CADM2: variants seen among roughly 807,000 people sequenced by gnomAD.
The protein encoded by CADM2 is cell adhesion molecule 2.
Under a neutral mutation model 49.8 loss-of-function variants are expected in CADM2, and 12 were observed. The ratio of observed to expected loss-of-function variants is 0.24; its 90% CI spans 0.15 to 0.39. The LOEUF (loss-of-function observed/expected upper bound fraction) is 0.39. Ranked by LOEUF, CADM2 falls within the 10% of genes least tolerant of loss-of-function variation. The pLI, the probability that CADM2 is intolerant of heterozygous loss-of-function variation, is 1.00. For synonymous variants in CADM2, 214 were observed against 175.4 expected, an observed-to-expected ratio of 1.22 and a Z score of -1.74; for missense variants, 378 against 492.3, an observed-to-expected ratio of 0.77 and a Z score of 2.20.
intron 1 of CADM2, among the ~76,000 whole-genome samples, chr3:85,555,644 A>T (rs1366112276): frequency 1.3e-5 from 2 of 152,118 alleles, no homozygotes. Flanking sequence ...TTCCTAGAAA[A>T]AATAATAGTA....
chr3:85,341,168 A>C (rs902775539), intron 1 of CADM2, among the ~76,000 whole-genome samples: 6 of 151,798 alleles, frequency 4.0e-5, no homozygotes, highest in African/African-American at 9.7e-5. Flanking sequence ...CGGAATATAA[A>C]AACACTAAGC....
intron 1 of CADM2, among the ~76,000 whole-genome samples, chr3:85,317,689 C>T (rs1264627505): frequency 6.6e-6 from 1 of 152,154 alleles, no homozygotes; most frequent in African/African-American, 2.4e-5. Context: ...TTTATCCATT[C>T]ATGAGGGCAG....
At chr3:85,320,931 A>ATT (rs71108274) in intron 1 of CADM2, among the ~76,000 whole-genome samples, 20 of 148,868 alleles carry the variant, frequency 1.3e-4, no homozygotes, top group Non-Finnish European at 2.1e-4. Flanking sequence ...TTTCTGTTAG[A>ATT]TTTTTTTTTA....
At chr3:85,184,488 A>T (rs2041007476) in intron 1 of CADM2, among the ~76,000 whole-genome samples, 1 of 152,106 alleles carries the variant, frequency 6.6e-6, no homozygotes, top group Non-Finnish European at 1.5e-5. Flanking sequence ...AGTTCTTTAA[A>T]CATTTGCTGA....
intron 1 of CADM2, among the ~76,000 whole-genome samples, chr3:85,682,431 A>G (rs974349090): frequency 6.6e-6 from 1 of 152,086 alleles, no homozygotes; most frequent in Non-Finnish European, 1.5e-5. Context: ...TAACTTTTCC[A>G]TATTCAGATT....
At chr3:85,648,227 C>T (rs998491523) in intron 1 of CADM2, among the ~76,000 whole-genome samples, 1 of 151,766 alleles carries the variant, frequency 6.6e-6, no homozygotes, top group African/African-American at 2.4e-5. Context: ...TAATGTCTTC[C>T]CGTTATCACA....
intron 1 of CADM2, among the ~76,000 whole-genome samples, chr3:85,471,003 G>A (rs892001264): frequency 2.6e-5 from 4 of 152,128 alleles, no homozygotes; most frequent in Admixed American, 6.5e-5. Flanking sequence ...TTTAATCATG[G>A]TATTTTTACT....
At chr3:85,134,967 G>A (rs2039369912) in intron 1 of CADM2, among the ~76,000 whole-genome samples, 1 of 151,672 alleles carries the variant, frequency 6.6e-6, no homozygotes, top group South Asian at 2.1e-4. Flanking sequence ...ACATGGAATG[G>A]ATTATACTTG....
In CADM2 at chr3:85,564,167, T is replaced by TTCTCTCTCTCTCTC. The variant is rs3086193; in HGVS notation, c.62-162336_62-162323dup. On this transcript the variant is annotated intron_variant, in intron 1 of 9. Coordinates refer to ENST00000383699, the MANE Select transcript of CADM2 (RefSeq NM_001167675.2). ...CAAGTAAATAATTTAGAAAGCATGA[T>TTCTCTCTCTCTCTC]TCTCTCTCTCTCTCTCTCTCTCTCT... Among the ~76,000 whole-genome samples, 422 of 149,672 alleles carry TTCTCTCTCTCTCTC rather than the reference T, an allele frequency of 2.8e-3. 2 individuals carry two copies. The highest frequency in any genetic ancestry group is 9.6e-3 in the African/African-American group (387 of 40,348).
At chr3:85,766,391 T>C (rs943631729) in intron 2 of CADM2, among the ~76,000 whole-genome samples, 5 of 152,278 alleles carry the variant, frequency 3.3e-5, no homozygotes, top group African/African-American at 9.6e-5. Flanking sequence ...AACTGGGAAG[T>C]ATGCTCACCT....
chr3:85,621,680 G>A (rs1329423577), intron 1 of CADM2, among the ~76,000 whole-genome samples: 2 of 152,050 alleles, frequency 1.3e-5, no homozygotes, highest in Admixed American at 1.3e-4. Flanking sequence ...TCAACTCTTT[G>A]TTTTTCTTTT....
At chr3:85,222,964 C>T (rs2042074802) in intron 1 of CADM2, among the ~76,000 whole-genome samples, 1 of 152,116 alleles carries the variant, frequency 6.6e-6, no homozygotes, top group South Asian at 2.1e-4. Context: ...TTATTTTCCT[C>T]TTTAGAACTA....
chr3:85,395,981 A>T (rs2034767465), intron 1 of CADM2, among the ~76,000 whole-genome samples: 1 of 148,874 alleles, frequency 6.7e-6, no homozygotes, highest in South Asian at 2.1e-4. Flanking sequence ...ATGATAATTT[A>T]TAAAATAAAT....
At chr3:85,457,573 G>A (rs529538773) in intron 1 of CADM2, among the ~76,000 whole-genome samples, 1 of 151,900 alleles carries the variant, frequency 6.6e-6, no homozygotes, top group Non-Finnish European at 1.5e-5. Flanking sequence ...GCACAAAAAG[G>A]GCATCTAGTG....
chr3:85,476,305 G>A (rs1380851230), intron 1 of CADM2, among the ~76,000 whole-genome samples: 1 of 151,762 alleles, frequency 6.6e-6, no homozygotes, highest in Non-Finnish European at 1.5e-5. Context: ...TTGTCTTCTG[G>A]CCATAGAGTT....
chr3:85,571,068 A>G (rs572061554), intron 1 of CADM2, among the ~76,000 whole-genome samples: 2 of 152,254 alleles, frequency 1.3e-5, no homozygotes, highest in African/African-American at 4.8e-5. Context: ...GGGCGGGTCT[A>G]TTTTCTAGAG....
intron 8 of CADM2, among the ~76,000 whole-genome samples, chr3:85,975,805 C>A (rs1267646446): frequency 6.6e-6 from 1 of 151,428 alleles, no homozygotes; most frequent in Non-Finnish European, 1.5e-5. Flanking sequence ...GTGAAATATA[C>A]AAATTGAGCT....
chr3:85,154,150 G>T (rs1441905041), intron 1 of CADM2, among the ~76,000 whole-genome samples: 1 of 152,130 alleles, frequency 6.6e-6, no homozygotes, highest in Non-Finnish European at 1.5e-5. Context: ...CGAGCTACGG[G>T]AGGACATTCA....
intron 1 of CADM2, among the ~76,000 whole-genome samples, chr3:85,704,502 T>G (rs987459390): frequency 5.9e-5 from 9 of 152,074 alleles, no homozygotes; most frequent in African/African-American, 1.9e-4. Flanking sequence ...ACCACTTTTC[T>G]CTCTGTATCA....
Sources: gnomAD v4.1 joint callset for allele counts (sites outside exome capture counted in the v4.1 genomes callset) on GRCh38, gnomAD v4.1.1 for gene constraint, MANE v1.5 for transcripts, NCBI Gene and HGNC (gene_info 2026-07-23, HGNC 2026-07-21) for gene names.